ZNF417: variants seen among roughly 807,000 people sequenced by gnomAD.
ZNF417 encodes the protein zinc finger protein 417.
ZNF417 carries 5 observed loss-of-function variants against 7.4 expected under a neutral mutation model. That is an observed-to-expected ratio of 0.68 (90% CI 0.35 to 1.43). The LOEUF is 1.43. ZNF417 is among the 40% of genes most tolerant of loss of function. The pLI is 0.04. For missense variants in ZNF417, 437 were observed against 697.3 expected, an observed-to-expected ratio of 0.63 and a Z score of 4.20; for synonymous variants, 147 against 239.1, an observed-to-expected ratio of 0.61 and a Z score of 3.55.
In ZNF417 at chr19:57,911,026, C is replaced by T. The variant is rs564353390; in HGVS notation, c.164-912G>A. On this transcript the variant is annotated intron_variant, in intron 2 of 2. Transcript: ENST00000312026. ...TGCCATTGCACTCCAGCTTGGGCAA[C>T]AAGAGCGAAACTCCATCTCAAAAAA... 1.3e-3 allele frequency among the ~76,000 whole-genome samples: 202 copies of T among 152,278 alleles called. 2 individuals are homozygous for T. Among genetic ancestry groups the T allele is most frequent in the Middle Eastern group, 6.8e-3 (2 of 294 alleles).
At chr19:57,916,335 G>C (rs766446351) in intron 1 of ZNF417, 44 bp downstream of exon 1, 3 of 1,613,982 alleles carry the variant, frequency 1.9e-6, no homozygotes, top group African/African-American at 2.7e-5. Flanking sequence ...TAGGACCTGG[G>C]TGACGATGGG....
rs750326651 is a variant in ZNF417 at position 57,912,185 on chromosome 19, C to T, written c.38G>A (p.Gly13Asp). 20 of 1,611,816 alleles carry T rather than the reference C, an allele frequency of 1.2e-5. No homozygotes were observed. The Admixed American group carries it at 3.0e-4, about 25-fold the overall frequency. Residue 13 changes from glycine (G) to aspartate (D), a missense_variant, in exon 2 of 3, where the codon GGC becomes GAC. Coordinates refer to ENST00000312026, the MANE Select transcript of ZNF417 (RefSeq NM_152475.3). ...AAAPRRPTQQ[G>D]TVTFEDVAVN... ...AGCCACATCTTCAAAGGTCACAGTG[C>T]CCTGCTATGATAGTGACAGATGAAA...
rs1176817052 is a variant in ZNF417, at chr19:57,907,549, C to T, written c.*1001G>A. 5 of 154,830 alleles carry T rather than the reference C, an allele frequency of 3.2e-5. No individual in the cohort carries two copies. Among genetic ancestry groups the T allele is most frequent in the Non-Finnish European group, 4.4e-5 (3 of 68,240 alleles). 9.6% of individuals were successfully genotyped at this position (154,830 alleles called of 1,614,324 possible). On this transcript the variant is annotated 3_prime_UTR_variant, in exon 3 of 3. Transcript: ENST00000312026. ...AGCTGAGGAGGTGGCTCCCTGCCTC[C>T]GGGTCCCTCAGAATGTCCCATCTCC...
rs201800509 is a variant in ZNF417 at position 57,908,805 on chromosome 19, C to A, written c.1473G>T (p.Pro491=). The A allele has an allele frequency of 1.9e-6, 3 of 1,613,462 alleles. No homozygotes were observed. The highest frequency in any genetic ancestry group is 2.5e-6 in the Non-Finnish European group (3 of 1,179,756). The part of the protein sequence containing the change: ...IHQRIHTGER[P]YECNECGKSF... ...ATTTCCCACATTCATTGCATTCATA[C>A]GGCCTTTCTCCAGTGTGAATCCTCT... The change falls in exon 3 of 3, where the codon CCG becomes CCT. Residue 491 remains proline (P), a synonymous_variant. Coordinates refer to ENST00000312026, the MANE Select transcript of ZNF417 (RefSeq NM_152475.3).
rs1244611292 is a variant in ZNF417 at position 57,907,097 on chromosome 19, C to A, written c.*1453G>T. 1 of 151,880 alleles carries A rather than the reference C, an allele frequency of 6.6e-6. No individual in the cohort carries two copies. Among genetic ancestry groups the A allele is most frequent in the Non-Finnish European group, 1.5e-5 (1 of 68,002 alleles). 9.4% of individuals were successfully genotyped at this position (151,880 alleles called of 1,614,324 possible). A position where few individuals can be genotyped will look rare whatever the true frequency, so the allele number is the denominator to read the frequency against. On this transcript the variant is annotated 3_prime_UTR_variant, in exon 3 of 3. Transcript: ENST00000312026. Reference sequence around the variant, plus strand: ...TTGAACTCCTGACCTTGTAAGCCACCCACCTCAGCCTCCCAAAGTGCTGGG... The same window carrying A: ...TTGAACTCCTGACCTTGTAAGCCACACACCTCAGCCTCCCAAAGTGCTGGG...
chr19:57,911,954 G>A, intron 2 of ZNF417, 106 bp downstream of exon 2: 1 of 1,496,772 alleles, frequency 6.7e-7, no homozygotes, highest in Non-Finnish European at 8.9e-7. Flanking sequence ...AAGTGTAGAA[G>A]GAACCTGTGT....
chr19:57,912,285 A>G (rs2071906007), intron 1 of ZNF417, 96 bp from the exon 2 acceptor site: 17 of 1,574,308 alleles, frequency 1.1e-5, no homozygotes, highest in Middle Eastern at 3.4e-4. Context: ...CCTCCTCCCA[A>G]GGTCCCCAAC....
At chr19:57,912,619 T>G (rs868322601) in intron 1 of ZNF417, among the ~76,000 whole-genome samples, 10 of 151,682 alleles carry the variant, frequency 6.6e-5, no homozygotes, top group Non-Finnish European at 1.3e-4. Flanking sequence ...TTTTTTGGGG[T>G]TTTTTTTGAG....
chr19:57,905,850 AT>A lies in ZNF417; in HGVS notation c.*2699del, dbSNP rs1166643711. Among the ~76,000 whole-genome samples the A allele has an allele frequency of 1.3e-5, 2 of 152,264 alleles. No individual in the cohort carries two copies. The highest frequency in any genetic ancestry group is 2.9e-5 in the Non-Finnish European group (2 of 68,048). Reference sequence around the variant, plus strand: ...ATATAAGTTGCATACAAGCAGGAAGATTTAACTTCATAAGAGAATTAACAAA... The same window carrying A: ...ATATAAGTTGCATACAAGCAGGAAGATTAACTTCATAAGAGAATTAACAAA... On this transcript the variant is annotated 3_prime_UTR_variant, in exon 3 of 3. Coordinates refer to ENST00000312026, the MANE Select transcript of ZNF417 (RefSeq NM_152475.3).
chr19:57,907,399 C>T lies in ZNF417; in HGVS notation c.*1151G>A, dbSNP rs1354100700. The T allele has an allele frequency of 6.5e-6, 1 of 154,692 alleles. No individual in the cohort carries two copies. The highest frequency in any genetic ancestry group is 1.5e-5 in the Non-Finnish European group (1 of 68,216). The allele number at this position is 154,692 out of a possible 1,614,324, so 9.6% of individuals were successfully genotyped here. On this transcript the variant is annotated 3_prime_UTR_variant, in exon 3 of 3. Coordinates refer to ENST00000312026, the MANE Select transcript of ZNF417 (RefSeq NM_152475.3). ...CTTTGATTCAAACTATCTTCATGTT[C>T]TTCACTTCACAAGATAAAGCTCTTA...
Position 57,916,487 on chromosome 19 carries a change from G to A in ZNF417, c.-76C>T. ...CTGCAGAGCCGCCTCTGGGCACCGA[G>A]GACGATTCCTCTCCACCTTCTAGGT... is the stretch of plus-strand genomic sequence containing the variant. On this transcript the variant is annotated 5_prime_UTR_variant, in exon 1 of 3. Coordinates refer to ENST00000312026, the MANE Select transcript of ZNF417 (RefSeq NM_152475.3). 1.2e-6 allele frequency: 2 copies of A among 1,611,112 alleles called. No individual in the cohort carries two copies. Among genetic ancestry groups the A allele is most frequent in the Non-Finnish European group, 1.7e-6 (2 of 1,178,836 alleles).
intron 1 of ZNF417, among the ~76,000 whole-genome samples, chr19:57,914,483 CAAAAAAAAAAA>C (rs528220711): frequency 1.4e-4 from 8 of 57,610 alleles, no homozygotes; most frequent in Non-Finnish European, 2.5e-4. Flanking sequence ...CGAAACTCCA[CAAAAAAAAAAA>C]AAAAAAAAAA....
rs116370239 is a variant in ZNF417 at position 57,915,600 on chromosome 19, G to C, written c.33+779C>G. The C allele has an allele frequency of 9.7e-3, 3,705 of 380,876 alleles. 139 individuals carry two copies. Among genetic ancestry groups the C allele is most frequent in the African/African-American group, 0.069 (3,280 of 47,418 alleles). The allele number at this position is 380,876 out of a possible 1,614,324, so 23.6% of individuals were successfully genotyped here. On this transcript the variant is annotated intron_variant, in intron 1 of 2. Coordinates refer to ENST00000312026, the MANE Select transcript of ZNF417 (RefSeq NM_152475.3). ...CCGTCTTGCTTCCAACCTTTCAGCT[G>C]TCCTTGTTCATTCCTGGGTATAGGC...
At chr19:57,915,407 G>C (rs1007537732) in intron 1 of ZNF417, 24 of 370,992 alleles carry the variant, frequency 6.5e-5, no homozygotes, top group African/African-American at 5.0e-4. Context: ...GTTCCAGACA[G>C]GTTCCATCCT....
chr19:57,906,690 G>A lies in ZNF417; in HGVS notation c.*1860C>T, dbSNP rs1224414010. Among the ~76,000 whole-genome samples, 2 of 133,720 alleles carry A rather than the reference G, an allele frequency of 1.5e-5. No homozygotes were observed. Among genetic ancestry groups the A allele is most frequent in the African/African-American group, 2.8e-5 (1 of 35,872 alleles). 87.7% of individuals were successfully genotyped at this position (133,720 alleles called of 152,430 possible). ...GCAAGAGAATCACTTGAACCTGGGA[G>A]GCGGAGGTTGCAGTGAGCCGAGACC... On this transcript the variant is annotated 3_prime_UTR_variant, in exon 3 of 3. Coordinates refer to ENST00000312026, the MANE Select transcript of ZNF417 (RefSeq NM_152475.3).
intron 1 of ZNF417, among the ~76,000 whole-genome samples, chr19:57,912,976 T>C (rs573619526): frequency 1.3e-5 from 2 of 151,948 alleles, no homozygotes; most frequent in Admixed American, 1.3e-4. Context: ...CTTGGGAATA[T>C]GCAATGGTTT....
chr19:57,909,839 A>G lies in ZNF417; in HGVS notation c.439T>C (p.Phe147Leu), dbSNP rs202002558. The G allele has an allele frequency of 1.3e-3, 1,959 of 1,524,912 alleles. 32 individuals carry two copies. Among genetic ancestry groups the G allele is most frequent in the Non-Finnish European group, 1.7e-3 (1,878 of 1,125,550 alleles). 94.5% of individuals were successfully genotyped at this position (1,524,912 alleles called of 1,614,324 possible). A position where few individuals can be genotyped will look rare whatever the true frequency, so the allele number is the denominator to read the frequency against. ...QHQKQHIGEK[F>L]YRKSVREASF... Reference sequence around the variant, plus strand: ...GCTTCTCTGACACTCTTTCTGTAGAATTTCTCTCCAATATGCTGCTTCTGG... The same window carrying G: ...GCTTCTCTGACACTCTTTCTGTAGAGTTTCTCTCCAATATGCTGCTTCTGG... Residue 147 changes from phenylalanine (F) to leucine (L), a missense_variant, in exon 3 of 3, where the codon TTC becomes CTC. Phe to Leu is a conservative substitution (Grantham distance 22). Around this residue, in one of 5 missense-constraint regions of ZNF417, gnomAD observed 60 missense variants for 266.0 expected, o/e 0.23. Coordinates refer to ENST00000312026, the MANE Select transcript of ZNF417 (RefSeq NM_152475.3).
intron 2 of ZNF417, among the ~76,000 whole-genome samples, chr19:57,910,627 C>T (rs942602571): frequency 2.0e-5 from 3 of 151,992 alleles, no homozygotes; most frequent in Admixed American, 6.6e-5. Context: ...TCCAGGAGGC[C>T]TCATGATGTA....
chr19:57,908,721 A>G lies in ZNF417; in HGVS notation c.1557T>C (p.Pro519=). 1 of 1,614,022 alleles carries G rather than the reference A, an allele frequency of 6.2e-7. No homozygotes were observed. The highest frequency in any genetic ancestry group is 8.5e-7 in the Non-Finnish European group (1 of 1,180,002). Residue 519 remains proline, a synonymous_variant, in exon 3 of 3, where the codon CCT becomes CCC. Coordinates refer to ENST00000312026, the MANE Select transcript of ZNF417 (RefSeq NM_152475.3). ...ATTTTCCACATTCACTGCACTTATAAGGCTTTTGTCCAGAATGAACTCTTT... is the reference window on the plus strand; with the variant it reads ...ATTTTCCACATTCACTGCACTTATAGGGCTTTTGTCCAGAATGAACTCTTT... ...VHKRVHSGQK[P]YKCSECGKSF...
Sources: allele counts gnomAD v4.1 joint callset (sites outside exome capture counted in the v4.1 genomes callset), GRCh38; gene constraint gnomAD v4.1.1; regional missense constraint gnomAD v4.1.1; transcripts MANE v1.5; gene names NCBI Gene and HGNC (gene_info 2026-07-23, HGNC 2026-07-21).